The following SRPK2 variants were observed in gnomAD, a reference collection of about 807,000 sequenced individuals.
SRPK2 encodes the protein SFRS protein kinase 2.
A neutral mutation model predicts 90.8 loss-of-function variants in SRPK2; 21 were observed. That is an observed-to-expected ratio of 0.23 (90% CI 0.16 to 0.33). SRPK2 has a LOEUF of 0.33. Ranked by LOEUF, SRPK2 falls within the 10% of genes least tolerant of loss-of-function variation. SRPK2 has a pLI of 1.00. For synonymous variants in SRPK2, 288 were observed against 311.1 expected (o/e 0.93, Z 0.78); for missense variants, 620 against 869.0 (o/e 0.71, Z 3.60).
At chr7:105,265,567 C>A (rs1490680786) in intron 2 of SRPK2, among the ~76,000 whole-genome samples, 1 of 151,984 alleles carries the variant, frequency 6.6e-6, no homozygotes, top group Admixed American at 6.6e-5. Flanking sequence ...CCCATAAATC[C>A]CAGAAGTGCT....
intron 2 of SRPK2, among the ~76,000 whole-genome samples, chr7:105,232,615 CAAAAAA>C (rs11334425): frequency 6.6e-6 from 1 of 151,144 alleles, no homozygotes; most frequent in Non-Finnish European, 1.5e-5. Flanking sequence ...CAAAACAAAA[CAAAAAA>C]AAACAGTAAC....
chr7:105,184,588 T>G (rs962877894), intron 3 of SRPK2, among the ~76,000 whole-genome samples: 1 of 152,204 alleles, frequency 6.6e-6, no homozygotes, highest in Non-Finnish European at 1.5e-5. Flanking sequence ...TTCCTTGATT[T>G]AGGTTGCTAG....
chr7:105,216,677 G>A (rs1449683405), intron 2 of SRPK2, among the ~76,000 whole-genome samples: 1 of 151,208 alleles, frequency 6.6e-6, no homozygotes, highest in African/African-American at 2.4e-5. Flanking sequence ...AAAAGAGAGA[G>A]AGAGAGAGAC....
In SRPK2 at chr7:105,193,667, A is replaced by G. The variant is rs61677699; in HGVS notation, c.229+9961T>C. Reference sequence around the variant, plus strand: ...ATACTGATTCTACCCACCTATGAGCATGGGATGTGTTTCCATTTGTTTGTG... The same window carrying G: ...ATACTGATTCTACCCACCTATGAGCGTGGGATGTGTTTCCATTTGTTTGTG... On this transcript the variant is annotated intron_variant, in intron 3 of 15. Coordinates refer to ENST00000393651, the MANE Select transcript of SRPK2 (RefSeq NM_182692.3). Among the ~76,000 whole-genome samples the G allele has an allele frequency of 3.1e-3, 475 of 152,314 alleles. 14 individuals are homozygous for G. The East Asian group carries it at 0.063, about 20-fold the overall frequency.
In SRPK2 at chr7:105,203,744, G is replaced by A. The variant is rs764819161; in HGVS notation, c.113C>T (p.Pro38Leu). ...QQKAPLVPPP[P>L]PPPPPPPPPL... ...TGGCGGTGGTGGTGGTGGTGGCGGT[G>A]GAGGAGGAGGAACTAAAGGAGCTTT... The change falls in exon 3 of 16, where the codon CCA (proline) becomes CTA (leucine). Residue 38 changes from proline to leucine, a missense_variant. Physicochemically the swap from Pro to Leu is moderately conservative, Grantham distance 98. Around this residue, in one of 8 missense-constraint regions of SRPK2, gnomAD observed 56 missense variants for 49.6 expected, o/e 1.13. Transcript: ENST00000393651. The A allele has an allele frequency of 6.2e-7, 1 of 1,604,930 alleles. No homozygotes were observed. The highest frequency in any genetic ancestry group is 8.5e-7 in the Non-Finnish European group (1 of 1,175,770).
chr7:105,209,332 G>A (rs1399412301), intron 2 of SRPK2, among the ~76,000 whole-genome samples: 2 of 151,008 alleles, frequency 1.3e-5, no homozygotes, highest in African/African-American at 2.4e-5. Flanking sequence ...GGGTATATCA[G>A]TTGAGCCCAG....
intron 2 of SRPK2, among the ~76,000 whole-genome samples, chr7:105,319,672 T>C (rs1337855133): frequency 1.3e-5 from 2 of 152,134 alleles, no homozygotes; most frequent in African/African-American, 2.4e-5. Flanking sequence ...GTAGACAAGA[T>C]TGAAAAACGT....
In SRPK2 at chr7:105,117,948, G is replaced by A; in HGVS notation, c.1990C>T (p.His664Tyr). Residue 664 changes from histidine to tyrosine, a missense_variant, in exon 16 of 16, where the codon CAT becomes TAT. Coordinates refer to ENST00000393651, the MANE Select transcript of SRPK2 (RefSeq NM_182692.3). ...DVLVEKYGWP[H>Y]EDAAQFTDFL... ...TCTGTAAACTGTGCAGCATCTTCAT[G>A]GGGCCAGCCATACTTTTCCACAAGT... is the stretch of plus-strand genomic sequence containing the variant. 6.2e-7 allele frequency: 1 copy of A among 1,614,168 alleles called. No homozygotes were observed.
intron 7 of SRPK2, among the ~76,000 whole-genome samples, chr7:105,155,712 A>C (rs1806396645): frequency 6.6e-6 from 1 of 152,200 alleles, no homozygotes; most frequent in South Asian, 2.1e-4. Flanking sequence ...TACTGTGAGA[A>C]GCCTTTGTCA....
At chr7:105,226,806 T>C (rs1798769035) in intron 2 of SRPK2, among the ~76,000 whole-genome samples, 1 of 151,878 alleles carries the variant, frequency 6.6e-6, no homozygotes. Flanking sequence ...AGACCAGCCA[T>C]GGCCAATATG....
intron 15 of SRPK2, among the ~76,000 whole-genome samples, chr7:105,122,824 T>G (rs2129572433): frequency 6.6e-6 from 1 of 151,912 alleles, no homozygotes; most frequent in South Asian, 2.1e-4. Flanking sequence ...CGCGCACACA[T>G]GCACACAATC....
intron 2 of SRPK2, among the ~76,000 whole-genome samples, chr7:105,235,364 C>T (rs1313342641): frequency 2.0e-5 from 3 of 152,216 alleles, no homozygotes; most frequent in Non-Finnish European, 4.4e-5. Context: ...TTATCACATG[C>T]ACCTTTACCA....
intron 2 of SRPK2, among the ~76,000 whole-genome samples, chr7:105,258,604 T>C (rs1181917866): frequency 1.3e-5 from 2 of 152,016 alleles, no homozygotes; most frequent in African/African-American, 4.8e-5. Context: ...TAGGCCAATA[T>C]CCACGATGAA....
At chr7:105,373,404 C>T (rs1324359089) in intron 2 of SRPK2, among the ~76,000 whole-genome samples, 3 of 127,426 alleles carry the variant, frequency 2.4e-5, no homozygotes, top group African/African-American at 2.8e-5. Context: ...TTTTCTTTTC[C>T]TTTTTTTTTT....
At chr7:105,245,609 G>A (rs1247652461) in intron 2 of SRPK2, among the ~76,000 whole-genome samples, 1 of 152,092 alleles carries the variant, frequency 6.6e-6, no homozygotes, top group African/African-American at 2.4e-5. Context: ...CATTTGGAGA[G>A]GACTCCTGCA....
At chr7:105,220,059 T>A (rs1352185491) in intron 2 of SRPK2, among the ~76,000 whole-genome samples, 1 of 152,234 alleles carries the variant, frequency 6.6e-6, no homozygotes, top group African/African-American at 2.4e-5. Flanking sequence ...ACTCAAATAG[T>A]ATCTGACTTA....
At chr7:105,344,573 G>A (rs1227648392) in intron 2 of SRPK2, among the ~76,000 whole-genome samples, 1 of 151,678 alleles carries the variant, frequency 6.6e-6, no homozygotes, top group Admixed American at 6.6e-5. Flanking sequence ...AAAATCTTCT[G>A]AATTTTTTCA....
chr7:105,355,529 C>T (rs1236615244), intron 2 of SRPK2, among the ~76,000 whole-genome samples: 1 of 151,940 alleles, frequency 6.6e-6, no homozygotes, highest in Non-Finnish European at 1.5e-5. Flanking sequence ...TGGAGCACAC[C>T]TGTGGTCCCA....
rs542726584 is a variant in SRPK2, at chr7:105,397,181, C to A, written n.153+1975G>T. Among the ~76,000 whole-genome samples the A allele has an allele frequency of 2.4e-4, 37 of 151,768 alleles. No homozygotes were observed. In the East Asian group the frequency reaches 7.2e-3, roughly 30 times the overall value. On this transcript the variant is annotated intron_variant and non_coding_transcript_variant, in intron 1 of 3. Transcript: ENST00000462282. ...TACAGGTGCACACCAGCACACCCAG[C>A]TAATTTTTGTATTTTTAATAGAGAC...
Sources: allele counts gnomAD v4.1 joint callset (sites outside exome capture counted in the v4.1 genomes callset), GRCh38; gene constraint gnomAD v4.1.1; regional missense constraint gnomAD v4.1.1; transcripts MANE v1.5; gene names NCBI Gene and HGNC (gene_info 2026-07-23, HGNC 2026-07-21).